Variants in COBLL1 observed in about 807,000 individuals in gnomAD.
COBLL1 encodes the protein cordon-bleu protein-like 1.
A neutral mutation model predicts 94.8 loss-of-function variants in COBLL1; 50 were observed. The ratio of observed to expected loss-of-function variants is 0.53; its 90% CI spans 0.42 to 0.67. COBLL1 has a LOEUF of 0.67. Ranked by LOEUF, COBLL1 falls within the 30% of genes least tolerant of loss-of-function variation. The probability of loss-of-function intolerance (pLI) is 0.00; values close to 1 mark genes in which losing one functional copy is unlikely to be tolerated. For missense variants in COBLL1, 1,362 were observed against 1,348.7 expected (o/e 1.01, Z -0.15); for synonymous variants, 448 against 473.8 (o/e 0.95, Z 0.71).
At position 164,795,601 on chromosome 2, in the gene COBLL1, A is replaced by G. The variant is rs188104343; in HGVS notation, c.41+45555T>C. On this transcript the variant is annotated intron_variant, in intron 2 of 13. Coordinates refer to ENST00000652658, the MANE Select transcript of COBLL1 (RefSeq NM_001365672.2). ...TCATCACAACTTCTTACAGGCTTTA[A>G]AAGTCTACATGTATTTTTTTTAATC... 2.3e-3 allele frequency among the ~76,000 whole-genome samples: 355 copies of G among 152,202 alleles called. 1 individual carries two copies. Among genetic ancestry groups the G allele is most frequent in the South Asian group, 2.9e-3 (14 of 4,826 alleles).
intron 2 of COBLL1, among the ~76,000 whole-genome samples, chr2:164,744,199 G>C (rs1233783777): frequency 6.6e-6 from 1 of 152,092 alleles, no homozygotes; most frequent in Non-Finnish European, 1.5e-5. Context: ...TATTTTCTTT[G>C]ATTAGATAAA....
At chr2:164,816,277 G>T (rs1684741036) in intron 2 of COBLL1, among the ~76,000 whole-genome samples, 1 of 152,106 alleles carries the variant, frequency 6.6e-6, no homozygotes, top group Non-Finnish European at 1.5e-5. Context: ...GCAAGGAGGT[G>T]TGAAACTCCC....
chr2:164,761,672 C>A (rs2105223412), intron 2 of COBLL1, among the ~76,000 whole-genome samples: 1 of 152,176 alleles, frequency 6.6e-6, no homozygotes, highest in East Asian at 1.9e-4. Flanking sequence ...AAATCATAAA[C>A]AAAAATAAGC....
rs181674330 is a variant in COBLL1, at chr2:164,745,983, C to T, written c.42-2108G>A. On this transcript the variant is annotated intron_variant, in intron 2 of 13. Transcript: ENST00000652658. ...TAGCCTACCTAAATATCAGCAAAAA[C>T]TCATCAGAAAGTACAATGAAAGAAA... Among the ~76,000 whole-genome samples the T allele has an allele frequency of 4.6e-5, 7 of 152,234 alleles. No homozygotes were observed. In the East Asian group the frequency reaches 1.4e-3, roughly 29 times the overall value.
At chr2:164,800,557 A>T (rs1188120915) in intron 2 of COBLL1, 3 of 702,172 alleles carry the variant, frequency 4.3e-6, no homozygotes, top group East Asian at 2.7e-5. Context: ...TCTCTCTCCT[A>T]GGCAGCATAA....
At chr2:164,807,116 A>G (rs1418856853) in intron 2 of COBLL1, among the ~76,000 whole-genome samples, 1 of 152,048 alleles carries the variant, frequency 6.6e-6, no homozygotes, top group Non-Finnish European at 1.5e-5. Context: ...TTTTCATTAA[A>G]TTTTCAAGAA....
intron 2 of COBLL1, among the ~76,000 whole-genome samples, chr2:164,798,582 G>A (rs182613975): frequency 2.2e-4 from 34 of 152,360 alleles, no homozygotes; most frequent in African/African-American, 7.7e-4. Context: ...ATTTTCTTGA[G>A]AGGGAGTGGA....
intron 2 of COBLL1, among the ~76,000 whole-genome samples, chr2:164,769,661 C>G (rs1688107419): frequency 6.6e-6 from 1 of 152,078 alleles, no homozygotes; most frequent in Non-Finnish European, 1.5e-5. Flanking sequence ...GAGTTCGAGA[C>G]CAGCCTGGGC....
chr2:164,699,391 T>C lies in COBLL1; in HGVS notation c.1555+14A>G, dbSNP rs1684122521. On this transcript the variant is annotated intron_variant, in intron 11 of 13. Transcript: ENST00000652658. ...AAAGTAAGAAAGTGTTGGCTATTAA[T>C]TTATATAACTCACCATTCTCTTGGT... is the stretch of plus-strand genomic sequence containing the variant. The C allele has an allele frequency of 1.3e-6, 2 of 1,528,008 alleles. No homozygotes were observed. Among genetic ancestry groups the C allele is most frequent in the African/African-American group, 2.7e-5 (2 of 73,164 alleles). The allele number at this position is 1,528,008 out of a possible 1,614,324, so 94.7% of individuals were successfully genotyped here.
chr2:164,741,237 A>T (rs1249520926), intron 3 of COBLL1, among the ~76,000 whole-genome samples: 1 of 151,892 alleles, frequency 6.6e-6, no homozygotes, highest in African/African-American at 2.4e-5. Context: ...GATCCCGCCA[A>T]TGCACTCCAG....
At chr2:164,789,236 A>G (rs1159224503) in intron 2 of COBLL1, among the ~76,000 whole-genome samples, 2 of 152,144 alleles carry the variant, frequency 1.3e-5, no homozygotes, top group African/African-American at 4.8e-5. Flanking sequence ...TAGATTGGTC[A>G]TACACCCTAT....
chr2:164,672,494 C>T (rs572882318), intron 1 of COBLL1, among the ~76,000 whole-genome samples: 268 of 150,816 alleles, frequency 1.8e-3, no homozygotes, highest in African/African-American at 6.3e-3. Flanking sequence ...GTCAGGAGAT[C>T]GAGACCATCC....
rs150299640 is a variant in COBLL1 at position 164,773,577 on chromosome 2, A to T, written c.42-29702T>A. 2.8e-5 allele frequency: 7 copies of T among 253,204 alleles called. No homozygotes were observed. The East Asian group carries it at 8.4e-4, about 30-fold the overall frequency. 15.7% of individuals were successfully genotyped at this position (253,204 alleles called of 1,614,324 possible). On this transcript the variant is annotated intron_variant, in intron 2 of 13. Transcript: ENST00000652658. The stretch of plus-strand genomic sequence containing the variant: ...TTTCTACAAAAATGCTGATGGAGAA[A>T]AAGAGTCCTCAGACATATTAAAATG...
downstream of COBLL1, among the ~76,000 whole-genome samples, chr2:164,678,626 T>C (rs927174292): frequency 6.8e-6 from 1 of 148,136 alleles, no homozygotes; most frequent in East Asian, 2.0e-4. Context: ...GAAATTTTCA[T>C]TAAGACAATT....
At chr2:164,766,159 C>T (rs355842) in intron 2 of COBLL1, among the ~76,000 whole-genome samples, 36,036 of 152,090 alleles carry the variant, frequency 0.24, 5,051 homozygotes, top group African/African-American at 0.39. Context: ...AATGCCATTG[C>T]ATGAATAGAC....
At chr2:164,670,837 T>C (rs1691232154) in intron 1 of COBLL1, among the ~76,000 whole-genome samples, 1 of 152,176 alleles carries the variant, frequency 6.6e-6, no homozygotes, top group Admixed American at 6.5e-5. Context: ...ACTGAATTAC[T>C]TCTCAGAACT....
At chr2:164,821,344 G>A (rs1685159394) in intron 2 of COBLL1, among the ~76,000 whole-genome samples, 1 of 152,150 alleles carries the variant, frequency 6.6e-6, no homozygotes, top group Non-Finnish European at 1.5e-5. Flanking sequence ...TCAAGAGAAC[G>A]AACCTCGTCA....
rs145947432 is a variant in COBLL1 at position 164,839,607 on chromosome 2, C to T, written c.41+1549G>A. Among the ~76,000 whole-genome samples the T allele has an allele frequency of 4.2e-3, 643 of 152,228 alleles. 1 individual carries two copies. The highest frequency in any genetic ancestry group is 0.015 in the African/African-American group (617 of 41,550). On this transcript the variant is annotated intron_variant, in intron 2 of 13. Transcript: ENST00000652658. ...ATTTTGTGAAAGCAGGTATGTTTTT[C>T]TTTCTTTTTTGTTTTTTAAAGTACC...
chr2:164,700,850 A>C, intron 9 of COBLL1, 94 bp from the exon 10 acceptor site: 1 of 744,072 alleles, frequency 1.3e-6, no homozygotes, highest in Non-Finnish European at 2.3e-6. Flanking sequence ...AATAATAATT[A>C]GCTGGACTCT....
Sources: allele counts gnomAD v4.1 joint callset (sites outside exome capture counted in the v4.1 genomes callset), GRCh38; gene constraint gnomAD v4.1.1; transcripts MANE v1.5; gene names NCBI Gene and HGNC (gene_info 2026-07-23, HGNC 2026-07-21).